COL4A3: variants seen among roughly 807,000 people sequenced by gnomAD.
The protein encoded by COL4A3 is collagen type IV alpha 3 chain.
COL4A3 carries 135 observed loss-of-function variants against 217.4 expected under a neutral mutation model. The ratio of observed to expected loss-of-function variants is 0.62; its 90% CI spans 0.54 to 0.72. The LOEUF (loss-of-function observed/expected upper bound fraction) is 0.72, where lower values mean the gene tolerates loss of function less well. Among genes scored for constraint, COL4A3 ranks in the 30% least tolerant of loss-of-function variants. COL4A3 has a pLI of 0.00. For missense variants in COL4A3, 1,868 were observed against 2,119.9 expected (o/e 0.88, Z 2.33); for synonymous variants, 690 against 736.3 (o/e 0.94, Z 1.02).
intron 35 of COL4A3, among the ~76,000 whole-genome samples, 171 bp from the exon 36 acceptor site, chr2:227,289,828 C>T (rs2072570278): frequency 6.6e-6 from 1 of 152,132 alleles, no homozygotes; most frequent in African/African-American, 2.4e-5. Flanking sequence ...TTTCCATGTT[C>T]CAGGTCCCTA....
intron 9 of COL4A3, among the ~76,000 whole-genome samples, chr2:227,249,456 G>A (rs933671777): frequency 5.3e-5 from 8 of 150,578 alleles, no homozygotes; most frequent in Non-Finnish European, 7.4e-5. Flanking sequence ...GGCTGGTCTC[G>A]AGCTCCCGAC....
chr2:227,197,619 T>C (rs894734063), intron 1 of COL4A3, among the ~76,000 whole-genome samples: 8 of 152,210 alleles, frequency 5.3e-5, no homozygotes, highest in Non-Finnish European at 8.8e-5. Context: ...ACCATGTTTA[T>C]GTCAAAAGAG....
At chr2:227,281,546 A>G (rs1344807052) in intron 31 of COL4A3, among the ~76,000 whole-genome samples, 1 of 152,242 alleles carries the variant, frequency 6.6e-6, no homozygotes, top group Non-Finnish European at 1.5e-5. Context: ...TCCTCTCCTC[A>G]TCAGATCTGA....
intron 1 of COL4A3, among the ~76,000 whole-genome samples, chr2:227,165,224 A>G (rs1217890474): frequency 6.6e-6 from 1 of 152,186 alleles, no homozygotes; most frequent in Non-Finnish European, 1.5e-5. Context: ...GAGGGCTGGC[A>G]GGAGACACCT....
chr2:227,254,599 A>C (rs1197044221), intron 14 of COL4A3, 57 bp from the exon 15 acceptor site: 1 of 1,297,392 alleles, frequency 7.7e-7, no homozygotes, highest in African/African-American at 1.5e-5. Flanking sequence ...AATAAAAATC[A>C]ATGTAAGTAA....
At chr2:227,194,696 G>C (rs1483468684) in intron 1 of COL4A3, among the ~76,000 whole-genome samples, 3 of 152,102 alleles carry the variant, frequency 2.0e-5, no homozygotes, top group Non-Finnish European at 4.4e-5. Flanking sequence ...AAAAATTAAA[G>C]GGGGAAATTA....
chr2:227,181,899 A>G (rs567591534), intron 1 of COL4A3, among the ~76,000 whole-genome samples: 36 of 152,326 alleles, frequency 2.4e-4, no homozygotes, highest in African/African-American at 7.7e-4. Flanking sequence ...TCCAAATAAT[A>G]GACACAGTTT....
In COL4A3 at chr2:227,254,641, C is replaced by G. The variant is rs201021733; in HGVS notation, c.829-15C>G. On this transcript the variant is annotated splice_polypyrimidine_tract_variant and intron_variant, in intron 14 of 51. Coordinates refer to ENST00000396578, the MANE Select transcript of COL4A3 (RefSeq NM_000091.5). Reference sequence around the variant, plus strand: ...CAGTAATTCATAAAATTTGACATGGCTCTAATTAATACAGGGACTGCCTGG... The same window carrying G: ...CAGTAATTCATAAAATTTGACATGGGTCTAATTAATACAGGGACTGCCTGG... The G allele has an allele frequency of 1.3e-6, 2 of 1,596,154 alleles. No individual in the cohort carries two copies. The highest frequency in any genetic ancestry group is 1.7e-6 in the Non-Finnish European group (2 of 1,163,732).
Position 227,244,951 on chromosome 2 carries a change from G to A in COL4A3, c.280G>A (p.Gly94Arg). The change falls in exon 5 of 52, where the codon GGA (glycine) becomes AGA (arginine). Residue 94 changes from glycine (G) to arginine (R), a missense_variant and splice_region_variant. Gly to Arg is a moderately radical substitution (Grantham distance 125, BLOSUM62 -2). This residue lies in a region of COL4A3 where 365 missense variants were observed against 333.8 expected (regional missense o/e 1.09). Transcript: ENST00000396578. ...PGLTGSKGVR[G>R]ISGLPGFSGS... ...CCCCTCCTTTTTCCTATGTCTTCAG[G>A]GAATAAGTGGATTGCCAGGATTTTC... The A allele has an allele frequency of 6.2e-7, 1 of 1,612,896 alleles. No homozygotes were observed. The highest frequency in any genetic ancestry group is 8.5e-7 in the Non-Finnish European group (1 of 1,179,480).
At chr2:227,196,295 C>T (rs1464659301) in intron 1 of COL4A3, among the ~76,000 whole-genome samples, 1 of 152,078 alleles carries the variant, frequency 6.6e-6, no homozygotes, top group African/African-American at 2.4e-5. Flanking sequence ...ATGGAAAATG[C>T]CCTATATAGG....
chr2:227,300,988 G>A (rs2073261263), intron 43 of COL4A3, among the ~76,000 whole-genome samples: 1 of 152,138 alleles, frequency 6.6e-6, no homozygotes, highest in African/African-American at 2.4e-5. Flanking sequence ...AGCTGAGGTG[G>A]GAATGAGGAC....
intron 1 of COL4A3, among the ~76,000 whole-genome samples, chr2:227,224,514 G>A (rs1007848462): frequency 2.0e-5 from 3 of 152,204 alleles, no homozygotes; most frequent in Non-Finnish European, 2.9e-5. Flanking sequence ...ACTTTGGGAG[G>A]CCAAGGCGGG....
chr2:227,298,954 T>G (rs1160865411), intron 43 of COL4A3, 142 bp downstream of exon 43: 51 of 819,490 alleles, frequency 6.2e-5, no homozygotes, highest in Non-Finnish European at 9.1e-5. Flanking sequence ...TACCCGAGAC[T>G]GGGTAATTTA....
chr2:227,286,563 G>A (rs988078633), intron 34 of COL4A3, among the ~76,000 whole-genome samples: 1 of 152,130 alleles, frequency 6.6e-6, no homozygotes, highest in African/African-American at 2.4e-5. Flanking sequence ...TTACATACGG[G>A]GAAATAGGGA....
intron 43 of COL4A3, 22 bp downstream of exon 43, chr2:227,298,834 G>A (rs767744448): frequency 6.2e-7 from 1 of 1,608,398 alleles, no homozygotes; most frequent in Non-Finnish European, 8.5e-7. Context: ...TAATTATTTT[G>A]ACTCATTATT....
intron 11 of COL4A3, 113 bp downstream of exon 11, chr2:227,251,484 A>G (rs1044628138): frequency 1.3e-4 from 126 of 962,748 alleles, no homozygotes; most frequent in Non-Finnish European, 2.0e-4. Context: ...GGAACTCACA[A>G]GGATCCCTAG....
At chr2:227,289,367 A>T in intron 35 of COL4A3, 119 bp downstream of exon 35, 1 of 903,484 alleles carries the variant, frequency 1.1e-6, no homozygotes, top group Non-Finnish European at 1.8e-6. Context: ...ATAGTGTTCC[A>T]GCAGAAATTT....
At chr2:227,280,734 C>T (rs1053761621) in intron 30 of COL4A3, 144 bp downstream of exon 30, 6 of 1,156,714 alleles carry the variant, frequency 5.2e-6, no homozygotes, top group Non-Finnish European at 7.8e-6. Context: ...TTCTTCCTTC[C>T]TTCTTTTTTA....
intron 20 of COL4A3, among the ~76,000 whole-genome samples, chr2:227,261,605 C>T (rs578034371): frequency 6.6e-6 from 1 of 152,332 alleles, no homozygotes; most frequent in African/African-American, 2.4e-5. Flanking sequence ...GGAGCTGATA[C>T]AAACTGATAC....
Sources: gnomAD v4.1 joint callset for allele counts (sites outside exome capture counted in the v4.1 genomes callset) on GRCh38, gnomAD v4.1.1 for gene constraint, gnomAD v4.1.1 regional missense constraint, MANE v1.5 for transcripts, NCBI Gene and HGNC (gene_info 2026-07-23, HGNC 2026-07-21) for gene names.